MKLN1: variants seen among roughly 807,000 people sequenced by gnomAD.
MKLN1 encodes the protein muskelin 1.
MKLN1 carries 18 observed loss-of-function variants against 99.0 expected under a neutral mutation model. The ratio of observed to expected loss-of-function variants is 0.18; its 90% confidence interval spans 0.13 to 0.27. MKLN1 has a LOEUF of 0.27. MKLN1 is among the 10% of genes least tolerant of loss of function. MKLN1 has a pLI of 1.00. For synonymous variants in MKLN1, 288 were observed against 293.2 expected (o/e 0.98, Z 0.18); for missense variants, 621 against 875.9 (o/e 0.71, Z 3.67).
intron 3 of MKLN1, among the ~76,000 whole-genome samples, chr7:131,204,342 T>G (rs1332342094): frequency 6.6e-6 from 1 of 152,330 alleles, no homozygotes; most frequent in African/African-American, 2.4e-5. Flanking sequence ...ATCTTTTGCT[T>G]CTTCTTTTCA....
chr7:131,177,472 A>G (rs1405364034), intron 2 of MKLN1, among the ~76,000 whole-genome samples: 1 of 151,466 alleles, frequency 6.6e-6, no homozygotes, highest in Non-Finnish European at 1.5e-5. Flanking sequence ...CCATCTCAAA[A>G]AAAAAAAAAA....
intron 3 of MKLN1, among the ~76,000 whole-genome samples, chr7:131,388,455 G>T (rs1794096576): frequency 1.3e-5 from 2 of 152,148 alleles, no homozygotes; most frequent in South Asian, 4.1e-4. Flanking sequence ...AGAAACATTG[G>T]CATCTCAGTC....
chr7:131,472,733 G>A (rs950224139), intron 16 of MKLN1, among the ~76,000 whole-genome samples: 1 of 151,992 alleles, frequency 6.6e-6, no homozygotes, highest in East Asian at 1.9e-4. Context: ...GGCGGATCAC[G>A]AGGTCAGGAG....
At chr7:131,485,012 C>T (rs1224703798) in intron 17 of MKLN1, among the ~76,000 whole-genome samples, 2 of 151,722 alleles carry the variant, frequency 1.3e-5, no homozygotes, top group Admixed American at 1.3e-4. Context: ...TATGCATAGG[C>T]CTAGAAACAA....
intron 3 of MKLN1, among the ~76,000 whole-genome samples, chr7:131,269,980 G>A (rs915286274): frequency 3.3e-5 from 5 of 152,022 alleles, no homozygotes; most frequent in Non-Finnish European, 5.9e-5. Flanking sequence ...CTGGAGTGCA[G>A]TGGCATGATC....
chr7:131,252,608 G>A (rs1350452132), intron 3 of MKLN1, among the ~76,000 whole-genome samples: 1 of 152,124 alleles, frequency 6.6e-6, no homozygotes, highest in Non-Finnish European at 1.5e-5. Flanking sequence ...GATTATAGGT[G>A]TGAGCCACCG....
At chr7:131,459,563 G>C (rs558224269) in intron 12 of MKLN1, among the ~76,000 whole-genome samples, 49 of 152,268 alleles carry the variant, frequency 3.2e-4, no homozygotes, top group African/African-American at 1.2e-3. Flanking sequence ...TAGCATGCCA[G>C]AGTGTTTGTG....
At chr7:131,327,640 C>A, upstream of MKLN1, 1 of 479,906 alleles carries the variant, frequency 2.1e-6, no homozygotes, top group Non-Finnish European at 3.7e-6. Context: ...AAGTCCTTTG[C>A]GCCATTCCCC....
chr7:131,257,856 A>G (rs910302516), intron 3 of MKLN1, among the ~76,000 whole-genome samples: 32 of 152,170 alleles, frequency 2.1e-4, no homozygotes, highest in African/African-American at 7.5e-4. Flanking sequence ...GTGGTGGTTT[A>G]TGCCTGTAAT....
At chr7:131,258,236 C>T (rs1373310453) in intron 3 of MKLN1, among the ~76,000 whole-genome samples, 1 of 150,810 alleles carries the variant, frequency 6.6e-6, no homozygotes, top group Admixed American at 6.6e-5. Flanking sequence ...TAAATCTGGC[C>T]CTTTGCCTGC....
At chr7:131,192,296 TATATAA>T (rs1796573435) in intron 2 of MKLN1, among the ~76,000 whole-genome samples, 2 of 75,336 alleles carry the variant, frequency 2.7e-5, no homozygotes, top group Non-Finnish European at 4.6e-5. Context: ...ATATATACAA[TATATAA>T]ATATATAAAA....
intron 17 of MKLN1, among the ~76,000 whole-genome samples, chr7:131,484,680 G>A (rs925451542): frequency 1.3e-5 from 2 of 152,094 alleles, no homozygotes; most frequent in African/African-American, 2.4e-5. Flanking sequence ...TACTCAGAAC[G>A]TAAGAGAAAG....
chr7:131,133,660 T>A (rs1165276758), intron 1 of MKLN1, among the ~76,000 whole-genome samples: 1 of 151,570 alleles, frequency 6.6e-6, no homozygotes, highest in Admixed American at 6.6e-5. Context: ...CCTCTATTTT[T>A]AATTTTTTTT....
chr7:131,118,417 G>A (rs1795310468), intron 1 of MKLN1, among the ~76,000 whole-genome samples: 1 of 152,140 alleles, frequency 6.6e-6, no homozygotes, highest in Non-Finnish European at 1.5e-5. Flanking sequence ...GCTGGGCACA[G>A]TGGTGGGCAC....
At position 131,449,851 on chromosome 7, in the gene MKLN1, T is replaced by C. The variant is rs755310508; in HGVS notation, c.1525+3948T>C. The stretch of plus-strand genomic sequence containing the variant: ...TTAACCTTAAGCAAGTTACCTAATG[T>C]CTCAGCTTTTGCTTCCACATTTGTA... On this transcript the variant is annotated intron_variant, in intron 12 of 17. Transcript: ENST00000352689. Among the ~76,000 whole-genome samples the C allele has an allele frequency of 3.5e-4, 54 of 152,200 alleles. 1 individual carries two copies. The highest frequency in any genetic ancestry group is 5.2e-4 in the Admixed American group (8 of 15,290).
chr7:131,457,847 G>A (rs772443255), intron 12 of MKLN1, among the ~76,000 whole-genome samples: 1 of 152,094 alleles, frequency 6.6e-6, no homozygotes, highest in South Asian at 2.1e-4. Context: ...ACCCACAGGC[G>A]GAGATTGCAG....
chr7:131,453,608 G>T (rs1796249097), intron 12 of MKLN1, among the ~76,000 whole-genome samples: 1 of 152,008 alleles, frequency 6.6e-6, no homozygotes, highest in African/African-American at 2.4e-5. Context: ...AATTCTAGGT[G>T]AACTTAAGTT....
intron 2 of MKLN1, among the ~76,000 whole-genome samples, chr7:131,199,256 TA>T (rs71769046): frequency 0.25 from 35,501 of 144,762 alleles, 4,513 homozygotes; most frequent in South Asian, 0.45. Flanking sequence ...GAACTCACAT[TA>T]AAAAAAAAAA....
chr7:131,276,691 T>G (rs190744486), intron 3 of MKLN1, among the ~76,000 whole-genome samples: 3 of 152,314 alleles, frequency 2.0e-5, no homozygotes, highest in African/African-American at 7.2e-5. Context: ...ACAAGCAGCA[T>G]GAATGGGATA....
Sources: allele counts gnomAD v4.1 joint callset (sites outside exome capture counted in the v4.1 genomes callset), GRCh38; gene constraint gnomAD v4.1.1; transcripts MANE v1.5; gene names NCBI Gene and HGNC (gene_info 2026-07-23, HGNC 2026-07-21).